PTPRT: variants seen among roughly 807,000 people sequenced by gnomAD.
PTPRT encodes receptor-type tyrosine-protein phosphatase T.
Under a neutral mutation model 176.8 loss-of-function variants are expected in PTPRT, and 56 were observed. The observed-to-expected ratio is 0.32, with a 90% CI of 0.26 to 0.40. The LOEUF is 0.40. Among genes scored for constraint, PTPRT ranks in the 10% least tolerant of loss-of-function variants. The pLI, the probability that PTPRT is intolerant of heterozygous loss-of-function variation, is 1.00. For missense variants in PTPRT, 1,540 were observed against 1,908.2 expected, an observed-to-expected ratio of 0.81 and a Z score of 3.60; for synonymous variants, 783 against 739.0, an observed-to-expected ratio of 1.06 and a Z score of -0.96.
chr20:42,840,843 T>A (rs554480899), intron 2 of PTPRT, among the ~76,000 whole-genome samples: 1 of 152,142 alleles, frequency 6.6e-6, no homozygotes, highest in Non-Finnish European at 1.5e-5. Flanking sequence ...ACAGCATGAG[T>A]TGCTACTTGG....
At chr20:43,111,270 T>G (rs929493738) in intron 1 of PTPRT, among the ~76,000 whole-genome samples, 7 of 152,038 alleles carry the variant, frequency 4.6e-5, no homozygotes, top group African/African-American at 1.7e-4. Flanking sequence ...CTGGGCACAG[T>G]GGCTCACGCC....
chr20:42,374,220 G>T (rs972530282), intron 9 of PTPRT, among the ~76,000 whole-genome samples: 1 of 152,202 alleles, frequency 6.6e-6, no homozygotes, highest in Non-Finnish European at 1.5e-5. Flanking sequence ...TTCTTCTCAA[G>T]AACTTTTCAG....
chr20:42,686,544 C>T (rs1156891654), intron 6 of PTPRT, among the ~76,000 whole-genome samples: 10 of 136,064 alleles, frequency 7.3e-5, no homozygotes, highest in South Asian at 2.5e-4. Context: ...AGTGCAGTGG[C>T]GCGATCTCAG....
At chr20:42,631,632 G>A (rs2074407899) in intron 7 of PTPRT, among the ~76,000 whole-genome samples, 1 of 152,128 alleles carries the variant, frequency 6.6e-6, no homozygotes, top group African/African-American at 2.4e-5. Flanking sequence ...TCCTGTTTTG[G>A]GGATGAAATG....
In PTPRT at chr20:42,643,471, GCCT is replaced by G. The variant is rs2074811170; in HGVS notation, c.1153+34392_1153+34394del. 2.0e-5 allele frequency among the ~76,000 whole-genome samples: 3 copies of G among 151,980 alleles called. No individual in the cohort carries two copies. The South Asian group carries it at 6.2e-4, about 32-fold the overall frequency. ...TGAGTAGCTAGGACTACAGGTACATGCCTCCACACTCAGCTATTTTTTTTTAAT... is the reference window on the plus strand; with the variant it reads ...TGAGTAGCTAGGACTACAGGTACATGCCACACTCAGCTATTTTTTTTTAAT... On this transcript the variant is annotated intron_variant, in intron 7 of 30. Coordinates refer to ENST00000373187, the MANE Select transcript of PTPRT (RefSeq NM_007050.6).
intron 6 of PTPRT, among the ~76,000 whole-genome samples, chr20:42,717,186 TA>T (rs2076237979): frequency 1.2e-5 from 1 of 84,250 alleles, no homozygotes; most frequent in African/African-American, 6.7e-5. Flanking sequence ...TAAAGTATAA[TA>T]ATAATAATAA....
chr20:43,029,760 C>T (rs1176742482), intron 1 of PTPRT, among the ~76,000 whole-genome samples: 1 of 152,246 alleles, frequency 6.6e-6, no homozygotes, highest in Non-Finnish European at 1.5e-5. Context: ...CATATACCCT[C>T]ACTTTGCTGA....
intron 16 of PTPRT, among the ~76,000 whole-genome samples, chr20:42,163,175 C>A (rs919639298): frequency 1.3e-5 from 2 of 152,146 alleles, no homozygotes; most frequent in Admixed American, 1.3e-4. Context: ...GACTTTGAGA[C>A]ACTGATGGGG....
rs146046206 is a variant in PTPRT, at chr20:42,104,680, C to T, written c.3429G>A (p.Ala1143=). 5.1e-4 allele frequency: 810 copies of T among 1,590,562 alleles called. 8 individuals carry two copies. In the South Asian group the frequency reaches 6.5e-3, roughly 13 times the overall value. ...GGATGGCAGTGTTGCCACAGAGGCA[C>T]GCTTCCAGGATGGCATCGTGCACAA... The part of the protein sequence containing the change: ...YVFVHDAILE[A]CLCGNTAIPV... The change falls in exon 25 of 31, where the codon GCG becomes GCA. Residue 1143 remains alanine (A), a synonymous_variant. Coordinates refer to ENST00000373187, the MANE Select transcript of PTPRT (RefSeq NM_007050.6).
At chr20:42,765,018 C>A (rs890319333) in intron 5 of PTPRT, among the ~76,000 whole-genome samples, 1 of 152,196 alleles carries the variant, frequency 6.6e-6, no homozygotes, top group Admixed American at 6.5e-5. Context: ...GCCTCCTCAG[C>A]TCATCAACCC....
chr20:42,155,736 A>C (rs565472428), intron 17 of PTPRT, among the ~76,000 whole-genome samples: 1 of 152,168 alleles, frequency 6.6e-6, no homozygotes, highest in Admixed American at 6.5e-5. Context: ...ATGGCTCTAC[A>C]TGCAGAAAAA....
At chr20:42,797,162 C>T (rs1229794306) in intron 2 of PTPRT, among the ~76,000 whole-genome samples, 1 of 152,148 alleles carries the variant, frequency 6.6e-6, no homozygotes, top group East Asian at 1.9e-4. Context: ...GCCCCGTCTC[C>T]ACCTCCCACA....
At position 42,881,895 on chromosome 20, in the gene PTPRT, C is replaced by T. The variant is rs137968904; in HGVS notation, c.214+3912G>A. ...CTGACACATCTCAGGAACTAAAACA[C>T]ACCAGGTATGAGAGAGGAGAAGAAA... is the stretch of plus-strand genomic sequence containing the variant. On this transcript the variant is annotated intron_variant, in intron 2 of 30. Coordinates refer to ENST00000373187, the MANE Select transcript of PTPRT (RefSeq NM_007050.6). 3.0e-4 allele frequency among the ~76,000 whole-genome samples: 46 copies of T among 152,220 alleles called. No individual in the cohort carries two copies. In the East Asian group the frequency reaches 8.5e-3, roughly 28 times the overall value.
rs567127760 is a variant in PTPRT, at chr20:42,167,914, G to A, written c.2492-6372C>T. On this transcript the variant is annotated intron_variant, in intron 16 of 30. Coordinates refer to ENST00000373187, the MANE Select transcript of PTPRT (RefSeq NM_007050.6). ...TGAAAATCCATGTATAACTTATGAC[G>A]CCCTCAAAACTTAACTACTAATAGC... Among the ~76,000 whole-genome samples, 11 of 152,266 alleles carry A rather than the reference G, an allele frequency of 7.2e-5. No homozygotes were observed. The East Asian group carries it at 7.7e-4, about 11-fold the overall frequency.
At chr20:42,489,008 TTG>T (rs56267962) in intron 7 of PTPRT, among the ~76,000 whole-genome samples, 6,874 of 131,036 alleles carry the variant, frequency 0.052, 215 homozygotes, top group Non-Finnish European at 0.069. Flanking sequence ...TCAACCAAGT[TTG>T]TGTGTGTGTG....
chr20:42,702,330 G>C (rs2075985856), intron 6 of PTPRT, among the ~76,000 whole-genome samples: 1 of 152,118 alleles, frequency 6.6e-6, no homozygotes, highest in Non-Finnish European at 1.5e-5. Flanking sequence ...AATGTGCAAT[G>C]CTCATTAACA....
intron 11 of PTPRT, among the ~76,000 whole-genome samples, chr20:42,328,934 A>G (rs1389528441): frequency 6.6e-6 from 1 of 152,208 alleles, no homozygotes; most frequent in African/African-American, 2.4e-5. Flanking sequence ...AGAAACTCAC[A>G]AGAGGTTTCA....
At chr20:42,984,796 A>G (rs1983478889) in intron 1 of PTPRT, among the ~76,000 whole-genome samples, 1 of 152,260 alleles carries the variant, frequency 6.6e-6, no homozygotes, top group African/African-American at 2.4e-5. Flanking sequence ...TTCTCCTTGT[A>G]TGATGCCAGT....
At chr20:42,702,136 C>G (rs2075982636) in intron 6 of PTPRT, among the ~76,000 whole-genome samples, 1 of 152,170 alleles carries the variant, frequency 6.6e-6, no homozygotes. Flanking sequence ...CAATCACATC[C>G]TGTTCCACCC....
Sources: allele counts gnomAD v4.1 joint callset (sites outside exome capture counted in the v4.1 genomes callset), GRCh38; gene constraint gnomAD v4.1.1; transcripts MANE v1.5; gene names NCBI Gene and HGNC (gene_info 2026-07-23, HGNC 2026-07-21).